ABR: variants seen among roughly 807,000 people sequenced by gnomAD.
ABR encodes ABR activator of RhoGEF and GTPase.
In ABR, 35 loss-of-function variants were observed where a neutral mutation model predicts 107.2. The ratio of observed to expected loss-of-function variants is 0.33; its 90% CI spans 0.25 to 0.43. The LOEUF (loss-of-function observed/expected upper bound fraction) is 0.43. ABR is among the 20% of genes least tolerant of loss of function. The pLI is 1.00. For synonymous variants in ABR, 498 were observed against 462.0 expected, an observed-to-expected ratio of 1.08 and a Z score of -1.00; for missense variants, 815 against 1,115.2, an observed-to-expected ratio of 0.73 and a Z score of 3.83.
At chr17:1,159,237 G>A (rs557030584) in intron 1 of ABR, among the ~76,000 whole-genome samples, 6 of 151,258 alleles carry the variant, frequency 4.0e-5, no homozygotes, top group East Asian at 1.9e-4. Context: ...GTAAGAATGC[G>A]GTACTCACAC....
chr17:1,063,471 G>A lies in ABR; in HGVS notation c.1182+3606C>T, dbSNP rs56277002. Among the ~76,000 whole-genome samples the A allele has an allele frequency of 2.5e-3, 171 of 68,652 alleles. 1 individual carries two copies. Among genetic ancestry groups the A allele is most frequent in the East Asian group, 3.9e-3 (8 of 2,030 alleles). The allele number at this position is 68,652 out of a possible 152,430, so 45.0% of individuals were successfully genotyped here. The stretch of plus-strand genomic sequence containing the variant: ...GAGGGCTATGCATGTTCCTCTAGAC[G>A]CTGTTGTTATGTGAACTGAGGGCTA... On this transcript the variant is annotated intron_variant, in intron 10 of 22. Coordinates refer to ENST00000302538, the MANE Select transcript of ABR (RefSeq NM_021962.5).
chr17:1,198,696 T>C (rs2042615149), intron 1 of ABR, among the ~76,000 whole-genome samples: 1 of 150,848 alleles, frequency 6.6e-6, no homozygotes, highest in Admixed American at 6.6e-5. Context: ...AGTGTAGTGA[T>C]GCCATCTCGG....
At position 1,091,861 on chromosome 17, in the gene ABR, C is replaced by T. The variant is rs367867434; in HGVS notation, c.346-11G>A. 1 of 1,609,892 alleles carries T rather than the reference C, an allele frequency of 6.2e-7. No homozygotes were observed. Among genetic ancestry groups the T allele is most frequent in the South Asian group, 1.1e-5 (1 of 90,454 alleles). ...CAGGGGTTTCATGGGCTGGGAGAAA[C>T]AGAGGAAGAAAGAGCAGAGGTCGGG... is the stretch of plus-strand genomic sequence containing the variant. On this transcript the variant is annotated splice_polypyrimidine_tract_variant and intron_variant, in intron 3 of 22. Coordinates refer to ENST00000302538, the MANE Select transcript of ABR (RefSeq NM_021962.5).
intron 14 of ABR, among the ~76,000 whole-genome samples, chr17:1,054,021 A>G (rs915543329): frequency 6.6e-6 from 1 of 152,076 alleles, no homozygotes; most frequent in Non-Finnish European, 1.5e-5. Flanking sequence ...GAAGTGCCCA[A>G]AAGGTTAGAG....
intron 1 of ABR, among the ~76,000 whole-genome samples, chr17:1,144,728 C>A (rs542383523): frequency 6.6e-6 from 1 of 151,870 alleles, no homozygotes; most frequent in Admixed American, 6.6e-5. Flanking sequence ...CCCGTCTCTA[C>A]TAAAAATACA....
upstream of ABR, among the ~76,000 whole-genome samples, chr17:1,188,272 C>T (rs2042355095): frequency 6.6e-6 from 1 of 151,862 alleles, no homozygotes; most frequent in Non-Finnish European, 1.5e-5. Flanking sequence ...CACAATAGGC[C>T]AGCTGCAGTG....
At chr17:1,172,656 G>A (rs2041758401) in intron 1 of ABR, among the ~76,000 whole-genome samples, 1 of 152,104 alleles carries the variant, frequency 6.6e-6, no homozygotes, top group South Asian at 2.1e-4. Context: ...GGCTGAGGCA[G>A]GAGAATCGCT....
At chr17:1,194,794 C>T (rs541010618) in intron 1 of ABR, among the ~76,000 whole-genome samples, 2,084 of 125,054 alleles carry the variant, frequency 0.017, 303 homozygotes, top group African/African-American at 0.053. Flanking sequence ...GCTGGGATTA[C>T]AGGCATGTGC....
intron 16 of ABR, among the ~76,000 whole-genome samples, chr17:1,021,539 C>A (rs543186794): frequency 1.3e-5 from 2 of 152,252 alleles, no homozygotes; most frequent in African/African-American, 2.4e-5. Flanking sequence ...GGTGCGGTGG[C>A]TCACGCCTGT....
At position 1,061,824 on chromosome 17, in the gene ABR, G is replaced by A. The variant is rs77699257; in HGVS notation, c.1183-2957C>T. On this transcript the variant is annotated intron_variant, in intron 10 of 22. Transcript: ENST00000302538. ...AGCCTCCCAAAGTACTGGGATTACC[G>A]GTGTAAACCACCATGCTGGGCCCTA... 9.1e-3 allele frequency among the ~76,000 whole-genome samples: 1,392 copies of A among 152,272 alleles called. 22 individuals carry two copies. The highest frequency in any genetic ancestry group is 0.031 in the African/African-American group (1,292 of 41,532).
At chr17:1,013,193 G>A (rs369321976) in intron 16 of ABR, 29 bp from the exon 17 acceptor site, 12 of 1,611,092 alleles carry the variant, frequency 7.4e-6, no homozygotes, top group Non-Finnish European at 8.5e-6. Context: ...GGTGAGAGAG[G>A]TGCCAGCTCG....
chr17:1,027,068 C>A lies in ABR; in HGVS notation c.1792-13904G>T, dbSNP rs149413070. Among the ~76,000 whole-genome samples the A allele has an allele frequency of 9.3e-3, 1,389 of 148,600 alleles. 24 individuals are homozygous for A. The highest frequency in any genetic ancestry group is 0.033 in the African/African-American group (1,319 of 40,104). On this transcript the variant is annotated intron_variant, in intron 16 of 22. Transcript: ENST00000302538. This position sits in a 1 kb window ranked among gnomAD's most constrained non-coding sequence, Gnocchi z 4.7. ...AAAATGCCTGGGGCAGCTCCCCCAG[C>A]CACACCTGCAGGCTTGGGGGCTCCT...
At chr17:1,087,899 C>T (rs893098165) in intron 4 of ABR, among the ~76,000 whole-genome samples, 2 of 152,156 alleles carry the variant, frequency 1.3e-5, no homozygotes, top group East Asian at 1.9e-4. Flanking sequence ...CGGTAGGGCC[C>T]GAGGCCTGGC....
chr17:1,215,879 A>C (rs2042993509), intron 1 of ABR, among the ~76,000 whole-genome samples: 1 of 79,400 alleles, frequency 1.3e-5, no homozygotes, highest in Non-Finnish European at 2.5e-5. Context: ...CCTTACCCCC[A>C]ACCCCCGTGC....
chr17:1,193,832 A>G (rs1261303626), intron 1 of ABR, among the ~76,000 whole-genome samples: 1 of 151,948 alleles, frequency 6.6e-6, no homozygotes, highest in Non-Finnish European at 1.5e-5. Flanking sequence ...CTGGGACTAC[A>G]GGCACCCGCC....
intron 9 of ABR, among the ~76,000 whole-genome samples, chr17:1,068,919 T>C (rs532664408): frequency 1.3e-5 from 2 of 152,350 alleles, no homozygotes; most frequent in Admixed American, 1.3e-4. Context: ...ATTCAAAGCA[T>C]GTGTCACGGC....
chr17:1,109,160 G>C lies in ABR; in HGVS notation c.247-8425C>G, dbSNP rs1203409461. On this transcript the variant is annotated intron_variant, in intron 2 of 22. Coordinates refer to ENST00000302538, the MANE Select transcript of ABR (RefSeq NM_021962.5). ...GAGGGAGGAGGCGGGCGGGAGGGGG[G>C]GCAGGTCTACACCCGCGCGCCCGGC... The C allele has an allele frequency of 8.1e-6, 9 of 1,106,264 alleles. 1 individual carries two copies. Among genetic ancestry groups the C allele is most frequent in the Non-Finnish European group, 9.0e-6 (7 of 777,828 alleles). The allele number at this position is 1,106,264 out of a possible 1,614,324, so 68.5% of individuals were successfully genotyped here.
chr17:1,104,725 G>C (rs2038128839), intron 2 of ABR, among the ~76,000 whole-genome samples: 1 of 152,250 alleles, frequency 6.6e-6, no homozygotes, highest in Non-Finnish European at 1.5e-5. Context: ...GCTAGGCGCT[G>C]AGGAAGTCTC....
intron 16 of ABR, 125 bp downstream of exon 16, chr17:1,049,925 G>A: frequency 7.4e-7 from 1 of 1,356,678 alleles, no homozygotes; most frequent in Non-Finnish European, 1.0e-6. Flanking sequence ...CACCTCCTGG[G>A]AACTTTCCTC....
Sources: gnomAD v4.1 joint callset for allele counts (sites outside exome capture counted in the v4.1 genomes callset) on GRCh38, gnomAD v4.1.1 for gene constraint, Gnocchi (gnomAD v3.1) non-coding constraint, MANE v1.5 for transcripts, NCBI Gene and HGNC (gene_info 2026-07-23, HGNC 2026-07-21) for gene names.